Variants in GRIA3 observed in about 807,000 individuals in gnomAD.
GRIA3 encodes glutamate ionotropic receptor AMPA type subunit 3.
A neutral mutation model predicts 63.0 loss-of-function variants in GRIA3; 3 were observed. That is an observed-to-expected ratio of 0.05 (90% CI 0.02 to 0.12). The LOEUF (loss-of-function observed/expected upper bound fraction) is 0.12. Among genes scored for constraint, GRIA3 ranks in the 10% least tolerant of loss-of-function variants. The pLI is 1.00. For missense variants in GRIA3, 347 were observed against 700.9 expected, an observed-to-expected ratio of 0.50 and a Z score of 5.70; for synonymous variants, 274 against 257.9, an observed-to-expected ratio of 1.06 and a Z score of -0.60.
At chrX:123,403,338 A>G (rs2045453299) in intron 8 of GRIA3, 74 bp from the exon 9 acceptor site, 2 of 726,299 alleles carry the variant, frequency 2.8e-6, no homozygotes, top group South Asian at 2.1e-5. Flanking sequence ...TTGTTCCACA[A>G]CAGCACTTCA....
chrX:123,248,717 C>T (rs1219998203), intron 2 of GRIA3, among the ~76,000 whole-genome samples: 3 of 111,292 alleles, frequency 2.7e-5, no homozygotes, highest in African/African-American at 6.5e-5. Flanking sequence ...ACCTGGGAGG[C>T]GGAGGTTGCA....
Position 123,239,017 on chromosome X carries a change from T to A in GRIA3, c.269-14286T>A, listed in dbSNP as rs73549588. Reference sequence around the variant, plus strand: ...GATGCTGTTCAATAAATGTTTAATTTAAAATATCTACCAAATTGATACACA... The same window carrying A: ...GATGCTGTTCAATAAATGTTTAATTAAAAATATCTACCAAATTGATACACA... On this transcript the variant is annotated intron_variant, in intron 2 of 15. Coordinates refer to ENST00000620443, the MANE Select transcript of GRIA3 (RefSeq NM_007325.5). 6.3e-3 allele frequency among the ~76,000 whole-genome samples: 702 copies of A among 111,000 alleles called. 7 individuals are homozygous for A. Among genetic ancestry groups the A allele is most frequent in the African/African-American group, 0.021 (658 of 30,869 alleles).
chrX:123,260,461 G>GAAAGAAAGAAAGAAAGA (rs1569409644), intron 3 of GRIA3, among the ~76,000 whole-genome samples: 1 of 3,508 alleles, frequency 2.9e-4, no homozygotes, highest in African/African-American at 7.8e-4. Context: ...AGAAAGAAAG[G>GAAAGAAAGAAAGAAAGA]AAGGAAGAAG....
At chrX:123,231,481 C>T (rs1004896416) in intron 2 of GRIA3, among the ~76,000 whole-genome samples, 2 of 111,444 alleles carry the variant, frequency 1.8e-5, no homozygotes, top group African/African-American at 6.5e-5. Flanking sequence ...CATTGTGCTA[C>T]GATTGGTCCC....
intron 2 of GRIA3, among the ~76,000 whole-genome samples, chrX:123,198,552 G>A (rs1041596349): frequency 1.8e-5 from 2 of 111,702 alleles, no homozygotes; most frequent in Admixed American, 9.5e-5. Context: ...TATGCCCTGT[G>A]AATTTGTAGC....
At chrX:123,229,882 A>C (rs761963801) in intron 2 of GRIA3, among the ~76,000 whole-genome samples, 3 of 111,816 alleles carry the variant, frequency 2.7e-5, no homozygotes, top group Admixed American at 9.5e-5. Context: ...ACAAATAGTG[A>C]GTGTTCCTCA....
chrX:123,385,751 A>G (rs2045350962), intron 5 of GRIA3, among the ~76,000 whole-genome samples: 1 of 111,238 alleles, frequency 9.0e-6, no homozygotes, highest in Non-Finnish European at 1.9e-5. Flanking sequence ...TTCTCTGCCT[A>G]TTGTCAATGG....
chrX:123,318,763 T>C (rs961362078), intron 3 of GRIA3, among the ~76,000 whole-genome samples: 29 of 112,171 alleles, frequency 2.6e-4, no homozygotes, highest in African/African-American at 9.1e-4. Flanking sequence ...TTCCAACCTC[T>C]GTCTGTTACC....
intron 3 of GRIA3, among the ~76,000 whole-genome samples, chrX:123,291,686 T>C (rs2044657024): frequency 9.0e-6 from 1 of 111,494 alleles, no homozygotes; most frequent in African/African-American, 3.3e-5. Flanking sequence ...CTTTCACCTA[T>C]ATGCTTGTTT....
chrX:123,219,708 C>G (rs1464860475), intron 2 of GRIA3, among the ~76,000 whole-genome samples: 2 of 112,050 alleles, frequency 1.8e-5, no homozygotes, highest in African/African-American at 6.5e-5. Context: ...ACAGTAATGC[C>G]TGACACAGCA....
chrX:123,342,567 A>G (rs2045015907), intron 4 of GRIA3, among the ~76,000 whole-genome samples: 1 of 112,150 alleles, frequency 8.9e-6, no homozygotes, highest in Admixed American at 9.4e-5. Flanking sequence ...AGAAACCTTC[A>G]CAGTCTCTTG....
At chrX:123,365,114 C>T (rs1213622007) in intron 5 of GRIA3, among the ~76,000 whole-genome samples, 3 of 111,496 alleles carry the variant, frequency 2.7e-5, no homozygotes, top group Non-Finnish European at 5.7e-5. Flanking sequence ...AAATGTCTCA[C>T]CTTAAAAAAT....
intron 12 of GRIA3, among the ~76,000 whole-genome samples, chrX:123,428,689 G>A (rs1296451793): frequency 1.8e-5 from 2 of 111,821 alleles, no homozygotes; most frequent in Non-Finnish European, 3.8e-5. Context: ...CAGGACAGCT[G>A]ATAATTGTTT....
At chrX:123,359,045 T>C (rs2045152161) in intron 5 of GRIA3, among the ~76,000 whole-genome samples, 1 of 111,533 alleles carries the variant, frequency 9.0e-6, no homozygotes, top group African/African-American at 3.3e-5. Flanking sequence ...ACTAGCTATA[T>C]AGCAAACCAA....
chrX:123,296,191 G>A (rs2044684530), intron 3 of GRIA3, among the ~76,000 whole-genome samples: 1 of 110,861 alleles, frequency 9.0e-6, no homozygotes, highest in African/African-American at 3.3e-5. Flanking sequence ...TGCTTGGAGT[G>A]GTGACATAAC....
chrX:123,407,730 G>C (rs1474995354), intron 10 of GRIA3, among the ~76,000 whole-genome samples: 1 of 84,610 alleles, frequency 1.2e-5, no homozygotes, highest in Non-Finnish European at 2.2e-5. Context: ...TATTCAAACT[G>C]TAACAGTGAT....
intron 2 of GRIA3, among the ~76,000 whole-genome samples, chrX:123,236,423 TCCC>T (rs2044302288): frequency 5.4e-5 from 6 of 111,291 alleles, no homozygotes; most frequent in Non-Finnish European, 1.1e-4. Context: ...GGCAACTAGG[TCCC>T]AGTTGTGCAC....
At chrX:123,475,493 T>G (rs1277256808) in intron 13 of GRIA3, among the ~76,000 whole-genome samples, 1 of 111,948 alleles carries the variant, frequency 8.9e-6, no homozygotes, top group Non-Finnish European at 1.9e-5. Flanking sequence ...CTGACTCATG[T>G]CTTTGTCTTA....
At chrX:123,230,901 A>G (rs983484943) in intron 2 of GRIA3, among the ~76,000 whole-genome samples, 7 of 112,066 alleles carry the variant, frequency 6.2e-5, no homozygotes, top group Non-Finnish European at 1.3e-4. Flanking sequence ...ATAATCAGAG[A>G]CGTCTCTCCC....
Sources: allele counts gnomAD v4.1 joint callset (sites outside exome capture counted in the v4.1 genomes callset), GRCh38; gene constraint gnomAD v4.1.1; transcripts MANE v1.5; gene names NCBI Gene and HGNC (gene_info 2026-07-23, HGNC 2026-07-21).